Variants in ST3GAL3 observed in about 807,000 individuals in gnomAD.
ST3GAL3 encodes ST3 beta-galactoside alpha-2,3-sialyltransferase 3, also known as CMP-N-acetylneuraminate-beta-1,4-galactoside alpha-2,3-sialyltransferase.
Under a neutral mutation model 50.1 loss-of-function variants are expected in ST3GAL3, and 21 were observed. The ratio of observed to expected loss-of-function variants is 0.42; its 90% CI spans 0.30 to 0.60. The LOEUF (loss-of-function observed/expected upper bound fraction) is 0.60. Among genes scored for constraint, ST3GAL3 ranks in the 20% least tolerant of loss-of-function variants. The probability of loss-of-function intolerance (pLI) is 0.19; values close to 1 mark genes in which losing one functional copy is unlikely to be tolerated. For missense variants in ST3GAL3, 353 were observed against 489.4 expected (o/e 0.72, Z 2.63); for synonymous variants, 183 against 190.0 (o/e 0.96, Z 0.30).
chr1:43,792,281 C>T, intron 3 of ST3GAL3, 132 bp downstream of exon 3: 2 of 1,176,616 alleles, frequency 1.7e-6, no homozygotes, highest in Non-Finnish European at 1.3e-6. Flanking sequence ...TCTCAAGAAG[C>T]CTTTCTAGAG....
chr1:43,773,678 G>GA (rs1696153091), intron 2 of ST3GAL3, among the ~76,000 whole-genome samples: 1 of 152,234 alleles, frequency 6.6e-6, no homozygotes, highest in East Asian at 1.9e-4. Flanking sequence ...TGCACCTCCT[G>GA]AAAAAACAAA....
chr1:43,711,431 A>C (rs1664717538), intron 1 of ST3GAL3, among the ~76,000 whole-genome samples: 1 of 152,370 alleles, frequency 6.6e-6, no homozygotes, highest in South Asian at 2.1e-4. Flanking sequence ...GCCTAACTTT[A>C]AAGAAGGTTA....
At chr1:43,721,109 G>A (rs1403876270) in intron 1 of ST3GAL3, among the ~76,000 whole-genome samples, 1 of 151,920 alleles carries the variant, frequency 6.6e-6, no homozygotes, top group Non-Finnish European at 1.5e-5. Flanking sequence ...GCCAGGTGTG[G>A]TAGTGCATAC....
intron 2 of ST3GAL3, among the ~76,000 whole-genome samples, chr1:43,776,702 G>A (rs1166036758): frequency 6.6e-6 from 1 of 152,128 alleles, no homozygotes; most frequent in Admixed American, 6.5e-5. Context: ...CAGTGTGTGA[G>A]GGTTCCCTTC....
At chr1:43,805,218 T>C (rs1243325949) in intron 3 of ST3GAL3, among the ~76,000 whole-genome samples, 1 of 152,200 alleles carries the variant, frequency 6.6e-6, no homozygotes, top group East Asian at 1.9e-4. Flanking sequence ...CCCAGGAATC[T>C]AGGTTGCAGG....
intron 1 of ST3GAL3, among the ~76,000 whole-genome samples, chr1:43,721,295 CT>C (rs35508020): frequency 0.3 from 30,353 of 99,752 alleles, 4,741 homozygotes; most frequent in East Asian, 0.36. Context: ...ATAATTAAAC[CT>C]TTTTTTTTTT....
chr1:43,920,703 G>A, intron 10 of ST3GAL3, 79 bp from the exon 11 acceptor site: 1 of 1,612,442 alleles, frequency 6.2e-7, no homozygotes, highest in African/African-American at 1.3e-5. Context: ...GCTCTAGGGA[G>A]CTTGGCTGAA....
At chr1:43,882,495 A>G (rs574065738) in intron 5 of ST3GAL3, among the ~76,000 whole-genome samples, 3 of 152,336 alleles carry the variant, frequency 2.0e-5, no homozygotes, top group South Asian at 2.1e-4. Flanking sequence ...ATTAGTTTAC[A>G]TAACTGTGAA....
chr1:43,910,971 G>A (rs966201322), intron 9 of ST3GAL3, among the ~76,000 whole-genome samples: 3 of 152,080 alleles, frequency 2.0e-5, no homozygotes, highest in African/African-American at 7.2e-5. Context: ...TCAGGTAATG[G>A]AGACCTCAGA....
At chr1:43,818,329 C>T (rs1295862433) in intron 4 of ST3GAL3, among the ~76,000 whole-genome samples, 2 of 152,162 alleles carry the variant, frequency 1.3e-5, no homozygotes, top group African/African-American at 4.8e-5. Flanking sequence ...TATGTCATGG[C>T]AGTAGAACAA....
chr1:43,913,831 C>T (rs902421701), intron 9 of ST3GAL3: 2 of 152,168 alleles, frequency 1.3e-5, no homozygotes, highest in African/African-American at 2.4e-5. Flanking sequence ...CGCTGCTGGC[C>T]GAGTAAGAAC....
chr1:43,770,872 G>A (rs868277379), intron 2 of ST3GAL3, among the ~76,000 whole-genome samples: 2 of 152,222 alleles, frequency 1.3e-5, no homozygotes, highest in Non-Finnish European at 2.9e-5. Context: ...CAATCTCTGA[G>A]CCAGAAGAAA....
At chr1:43,815,019 C>G (rs2061060803) in intron 4 of ST3GAL3, 86 bp downstream of exon 4, 7 of 1,361,024 alleles carry the variant, frequency 5.1e-6, no homozygotes, top group Non-Finnish European at 7.4e-6. Flanking sequence ...GCTCTCATCA[C>G]TCTTCTGGTG....
chr1:43,921,162 C>T (rs1203177903), intron 11 of ST3GAL3, among the ~76,000 whole-genome samples: 1 of 152,160 alleles, frequency 6.6e-6, no homozygotes, highest in Non-Finnish European at 1.5e-5. Context: ...CCCTCCCCCT[C>T]GCTGCATTCC....
intron 4 of ST3GAL3, among the ~76,000 whole-genome samples, chr1:43,818,788 GA>G (rs1438110026): frequency 1.3e-5 from 2 of 150,584 alleles, no homozygotes; most frequent in African/African-American, 4.8e-5. Context: ...TGAACTTCTA[GA>G]GTTAAAAAAT....
intron 9 of ST3GAL3, among the ~76,000 whole-genome samples, chr1:43,906,667 C>G (rs1465994986): frequency 1.3e-5 from 2 of 152,066 alleles, no homozygotes; most frequent in Admixed American, 6.6e-5. Context: ...CTTCCCGCCA[C>G]TCTTCCTCCT....
chr1:43,780,506 AT>A (rs1699021664), intron 2 of ST3GAL3, among the ~76,000 whole-genome samples: 1 of 151,540 alleles, frequency 6.6e-6, no homozygotes, highest in African/African-American at 2.4e-5. Flanking sequence ...TCTCCTTTTC[AT>A]TTTTTCCTGT....
At chr1:43,802,382 T>C (rs979564731) in intron 3 of ST3GAL3, among the ~76,000 whole-genome samples, 43 of 152,386 alleles carry the variant, frequency 2.8e-4, no homozygotes, top group African/African-American at 9.6e-4. Flanking sequence ...TTGAAATTTC[T>C]TCAGTTAGAA....
intron 2 of ST3GAL3, among the ~76,000 whole-genome samples, chr1:43,782,313 G>A (rs369116958): frequency 1.2e-3 from 189 of 152,218 alleles, no homozygotes; most frequent in African/African-American, 4.3e-3. Context: ...ACAGCCTCAC[G>A]TGAGACCCTC....
Sources: allele counts gnomAD v4.1 joint callset (sites outside exome capture counted in the v4.1 genomes callset), GRCh38; gene constraint gnomAD v4.1.1; transcripts MANE v1.5; gene names NCBI Gene and HGNC (gene_info 2026-07-23, HGNC 2026-07-21).